Variants in DNAH8 observed in about 807,000 individuals in gnomAD.
The protein encoded by DNAH8 is dynein axonemal heavy chain 8.
Under a neutral mutation model 562.1 loss-of-function variants are expected in DNAH8, and 382 were observed. The observed-to-expected ratio is 0.68, with a 90% CI of 0.63 to 0.74. DNAH8 has a LOEUF of 0.74. Ranked by LOEUF, DNAH8 falls within the 30% of genes least tolerant of loss-of-function variation. The pLI is 0.00. For missense variants in DNAH8, 5,203 were observed against 5,620.4 expected (o/e 0.93, Z 2.37); for synonymous variants, 1,881 against 1,919.4 (o/e 0.98, Z 0.52).
intron 29 of DNAH8, among the ~76,000 whole-genome samples, chr6:38,826,915 C>T (rs527954945): frequency 6.6e-5 from 10 of 152,282 alleles, no homozygotes; most frequent in Non-Finnish European, 1.2e-4. Context: ...TCACCACCAA[C>T]TTAATGGCTT....
At chr6:38,784,371 G>A (rs150515017) in intron 17 of DNAH8, among the ~76,000 whole-genome samples, 1 of 152,182 alleles carries the variant, frequency 6.6e-6, no homozygotes, top group Non-Finnish European at 1.5e-5. Flanking sequence ...TTTTCTCCTG[G>A]TGGTTTTTCT....
intron 21 of DNAH8, among the ~76,000 whole-genome samples, chr6:38,794,944 ATATATT>A (rs1179396987): frequency 6.6e-6 from 1 of 152,210 alleles, no homozygotes; most frequent in African/African-American, 2.4e-5. Flanking sequence ...TAGATTATGA[ATATATT>A]TAGCTTTAAT....
Position 38,737,196 on chromosome 6 carries a change from G to A in DNAH8, c.892G>A (p.Gly298Arg), listed in dbSNP as rs774551537. The change falls in exon 6 of 93, where the codon GGA becomes AGA. Residue 298 changes from glycine (G) to arginine (R), a missense_variant. Around this residue, in one of 6 missense-constraint regions of DNAH8, gnomAD observed 556 missense variants for 496.9 expected, o/e 1.12. Transcript: ENST00000327475. The part of the protein sequence containing the change: ...NWGALNQSKQ[G>R]ESEKHIFTET... ...GGGTGCTTTAAACCAGTCCAAGCAG[G>A]GAGAATCTGAAAAACATATTTTCAC... 1 of 1,526,834 alleles carries A rather than the reference G, an allele frequency of 6.5e-7. No homozygotes were observed. Among genetic ancestry groups the A allele is most frequent in the Non-Finnish European group, 8.8e-7 (1 of 1,137,246 alleles). The allele number at this position is 1,526,834 out of a possible 1,614,324, so 94.6% of individuals were successfully genotyped here. A position where few individuals can be genotyped will look rare whatever the true frequency, so the allele number is the denominator to read the frequency against.
rs773961136 is a variant in DNAH8, at chr6:38,931,862, A to G, written c.11326A>G (p.Ile3776Val). The change falls in exon 76 of 93, where the codon ATT becomes GTT. Residue 3776 changes from isoleucine (I) to valine (V), a missense_variant. Transcript: ENST00000327475. ...CDIMDTFKLY[I>V]TTKLPNPAFT... is the part of the protein sequence containing the mutation. ...TATCATGGATACATTTAAACTTTAC[A>G]TTACTACGAAGTTACCAAATCCTGC... The G allele has an allele frequency of 6.2e-7, 1 of 1,609,060 alleles. No individual in the cohort carries two copies. Among genetic ancestry groups the G allele is most frequent in the Non-Finnish European group, 8.5e-7 (1 of 1,178,160 alleles).
intron 41 of DNAH8, among the ~76,000 whole-genome samples, chr6:38,854,589 A>T (rs890618833): frequency 4.6e-5 from 7 of 152,158 alleles, no homozygotes; most frequent in Admixed American, 1.3e-4. Flanking sequence ...TATTAGCATT[A>T]TTACCTTTGT....
intron 30 of DNAH8, among the ~76,000 whole-genome samples, chr6:38,829,335 G>C (rs992696093): frequency 6.6e-6 from 1 of 152,016 alleles, no homozygotes; most frequent in African/African-American, 2.4e-5. Context: ...TTTTTACTTT[G>C]ATGAAGTCTA....
intron 89 of DNAH8, among the ~76,000 whole-genome samples, chr6:39,010,747 A>G (rs1202059810): frequency 6.6e-6 from 1 of 150,700 alleles, no homozygotes; most frequent in Non-Finnish European, 1.5e-5. Flanking sequence ...TTTAAAGGGA[A>G]TTATATATAG....
At chr6:38,969,454 A>G (rs1204454700) in intron 82 of DNAH8, among the ~76,000 whole-genome samples, 1 of 152,122 alleles carries the variant, frequency 6.6e-6, no homozygotes, top group Non-Finnish European at 1.5e-5. Flanking sequence ...ATATCCTAAG[A>G]AGAAAAGTAT....
chr6:38,935,732 T>C, intron 77 of DNAH8, 35 bp downstream of exon 77: 3 of 1,450,546 alleles, frequency 2.1e-6, no homozygotes, highest in Non-Finnish European at 2.9e-6. Flanking sequence ...AAATAACGGA[T>C]TCTGAATAAG....
chr6:38,930,602 T>C (rs1782483727), intron 75 of DNAH8, among the ~76,000 whole-genome samples: 1 of 152,152 alleles, frequency 6.6e-6, no homozygotes, highest in South Asian at 2.1e-4. Flanking sequence ...CATCATTCTA[T>C]AAGATTAGAG....
chr6:38,803,082 A>G (rs906260170), intron 21 of DNAH8, 97 bp from the exon 22 acceptor site: 3 of 818,666 alleles, frequency 3.7e-6, no homozygotes, highest in Non-Finnish European at 5.3e-6. Context: ...TTTCAAGTGA[A>G]GTTAATTATA....
At chr6:38,733,905 A>G (rs1006454903) in intron 4 of DNAH8, among the ~76,000 whole-genome samples, 3 of 151,556 alleles carry the variant, frequency 2.0e-5, no homozygotes, top group Admixed American at 1.3e-4. Flanking sequence ...AGCTAAAAAA[A>G]AAGACTCCAT....
At chr6:38,759,339 A>C (rs1678671) in intron 10 of DNAH8, among the ~76,000 whole-genome samples, 15,101 of 149,874 alleles carry the variant, frequency 0.1, 1,333 homozygotes, top group East Asian at 0.43. Context: ...ACAAACAAAC[A>C]AACCACCACC....
At chr6:38,836,873 T>C (rs895057896) in intron 32 of DNAH8, among the ~76,000 whole-genome samples, 1 of 152,012 alleles carries the variant, frequency 6.6e-6, no homozygotes, top group Non-Finnish European at 1.5e-5. Context: ...GGTGTTTTTA[T>C]GTTACTTGCA....
chr6:38,972,087 T>C (rs1763388786), intron 83 of DNAH8: 1 of 154,636 alleles, frequency 6.5e-6, no homozygotes, highest in African/African-American at 2.4e-5. Flanking sequence ...TATTTAAGGA[T>C]GCTATGTTTA....
intron 22 of DNAH8, 131 bp from the exon 23 acceptor site, chr6:38,805,350 C>G: frequency 1.6e-6 from 1 of 617,190 alleles, no homozygotes; most frequent in Non-Finnish European, 2.9e-6. Context: ...ATGCGAAAAG[C>G]ATTTTTCAAA....
chr6:38,897,293 G>C (rs1779769229), intron 60 of DNAH8, among the ~76,000 whole-genome samples: 1 of 152,200 alleles, frequency 6.6e-6, no homozygotes, highest in Non-Finnish European at 1.5e-5. Flanking sequence ...AACACCCATT[G>C]GTTTAAATAT....
intron 82 of DNAH8, among the ~76,000 whole-genome samples, chr6:38,967,192 G>C (rs1252177756): frequency 1.3e-5 from 2 of 152,036 alleles, no homozygotes; most frequent in African/African-American, 4.8e-5. Context: ...AATGGTAAAA[G>C]ACTGAATGCC....
At chr6:39,016,038 G>A (rs1187492581) in intron 91 of DNAH8, among the ~76,000 whole-genome samples, 2 of 152,124 alleles carry the variant, frequency 1.3e-5, no homozygotes, top group Non-Finnish European at 2.9e-5. Context: ...GCCAAATCTG[G>A]CAAATAAAGA....
Sources: allele counts gnomAD v4.1 joint callset (sites outside exome capture counted in the v4.1 genomes callset), GRCh38; gene constraint gnomAD v4.1.1; regional missense constraint gnomAD v4.1.1; transcripts MANE v1.5; gene names NCBI Gene and HGNC (gene_info 2026-07-23, HGNC 2026-07-21).